Variants in SH3GL1 observed in about 807,000 individuals in gnomAD.
SH3GL1 encodes the protein endophilin-A2.
A neutral mutation model predicts 48.8 loss-of-function variants in SH3GL1; 21 were observed. The observed-to-expected ratio is 0.43, with a 90% CI of 0.30 to 0.62. The LOEUF is 0.62. Ranked by LOEUF, SH3GL1 falls within the 20% of genes least tolerant of loss-of-function variation. The pLI, the probability that SH3GL1 is intolerant of heterozygous loss-of-function variation, is 0.11. For missense variants in SH3GL1, 454 were observed against 503.0 expected (o/e 0.90, Z 0.93); for synonymous variants, 282 against 217.5 (o/e 1.30, Z -2.61).
chr19:4,374,619 C>T (rs1445498690), intron 1 of SH3GL1, among the ~76,000 whole-genome samples: 2 of 152,234 alleles, frequency 1.3e-5, no homozygotes, highest in African/African-American at 4.8e-5. Context: ...CAGCCTCCTC[C>T]CTGGCCTCCT....
intron 4 of SH3GL1, 120 bp downstream of exon 4, chr19:4,365,362 G>T: frequency 1.5e-6 from 2 of 1,353,862 alleles, no homozygotes; most frequent in Non-Finnish European, 2.1e-6. Context: ...CAGCTGGAAA[G>T]CTGTGGGGGC....
chr19:4,368,591 G>A (rs1750898632), intron 1 of SH3GL1, among the ~76,000 whole-genome samples: 1 of 152,188 alleles, frequency 6.6e-6, no homozygotes, highest in African/African-American at 2.4e-5. Context: ...CTTGGCTCTG[G>A]AAGCCCCCAC....
intron 1 of SH3GL1, among the ~76,000 whole-genome samples, chr19:4,378,791 C>A (rs531923616): frequency 6.6e-6 from 1 of 152,250 alleles, no homozygotes; most frequent in Admixed American, 6.5e-5. Context: ...CAACTGAGTC[C>A]CGAGGAATGA....
At chr19:4,369,958 G>A (rs532268964) in intron 1 of SH3GL1, among the ~76,000 whole-genome samples, 3 of 152,382 alleles carry the variant, frequency 2.0e-5, no homozygotes, top group Admixed American at 1.3e-4. Context: ...GCCGGGCCAC[G>A]TGCAGCGCCG....
intron 1 of SH3GL1, among the ~76,000 whole-genome samples, chr19:4,386,923 T>C (rs375194682): frequency 6.6e-6 from 1 of 152,134 alleles, no homozygotes; most frequent in Non-Finnish European, 1.5e-5. Flanking sequence ...CCGCTGCAAT[T>C]CCCCTTCTGT....
chr19:4,365,697 C>CA (rs964340209), intron 3 of SH3GL1, 72 bp from the exon 4 acceptor site: 6 of 1,592,952 alleles, frequency 3.8e-6, no homozygotes, highest in Non-Finnish European at 5.1e-6. Context: ...CTGCAGCCCC[C>CA]ACATCTCCTC....
At chr19:4,366,853 C>T in intron 2 of SH3GL1, 73 bp downstream of exon 2, 1 of 1,492,612 alleles carries the variant, frequency 6.7e-7, no homozygotes, top group Non-Finnish European at 9.3e-7. Context: ...AGGTTGGCCG[C>T]CTCCACTATG....
intron 1 of SH3GL1, among the ~76,000 whole-genome samples, chr19:4,371,555 T>C (rs576299604): frequency 6.6e-6 from 1 of 152,320 alleles, no homozygotes; most frequent in Admixed American, 6.5e-5. Context: ...AGGGTTTTGT[T>C]TTTTTTTCTC....
At chr19:4,377,545 C>T (rs1238283338) in intron 1 of SH3GL1, among the ~76,000 whole-genome samples, 2 of 152,204 alleles carry the variant, frequency 1.3e-5, no homozygotes, top group African/African-American at 2.4e-5. Flanking sequence ...GAAGTCATCC[C>T]GGGTGGCACG....
At position 4,365,450 on chromosome 19, in the gene SH3GL1, G is replaced by A. The variant is rs367897223; in HGVS notation, c.331+32C>T. 82 of 1,612,130 alleles carry A rather than the reference G, an allele frequency of 5.1e-5. No homozygotes were observed. In the African/African-American group the frequency reaches 8.0e-4, roughly 16 times the overall value. Reference sequence around the variant, plus strand: ...GTGTTGAGGTGTGGCCTCCAGGGACGGTGGGCGTGGCTTCCAGAGAGCACC... The same window carrying A: ...GTGTTGAGGTGTGGCCTCCAGGGACAGTGGGCGTGGCTTCCAGAGAGCACC... On this transcript the variant is annotated intron_variant, in intron 4 of 9. Coordinates refer to ENST00000269886, the MANE Select transcript of SH3GL1 (RefSeq NM_003025.4).
rs955368413 is a variant in SH3GL1, at chr19:4,367,613, G to A, written c.46-619C>T. 1.3e-5 allele frequency among the ~76,000 whole-genome samples: 2 copies of A among 152,142 alleles called. No homozygotes were observed. Among genetic ancestry groups the A allele is most frequent in the African/African-American group, 2.4e-5 (1 of 41,422 alleles). Reference sequence around the variant, plus strand: ...TCACAAGGCAGTCAACACAGGCCTGGCACACCTTGGTCCTCACGGCTCTCA... The same window carrying A: ...TCACAAGGCAGTCAACACAGGCCTGACACACCTTGGTCCTCACGGCTCTCA... On this transcript the variant is annotated intron_variant, in intron 1 of 9. Coordinates refer to ENST00000269886, the MANE Select transcript of SH3GL1 (RefSeq NM_003025.4). The surrounding 1 kb of genome is among the most constrained non-coding windows in gnomAD (Gnocchi z 4.2).
In SH3GL1 at chr19:4,371,354, C is replaced by T. The variant is rs1972896489; in HGVS notation, c.46-4360G>A. 2.0e-5 allele frequency among the ~76,000 whole-genome samples: 3 copies of T among 152,370 alleles called. No individual in the cohort carries two copies. The South Asian group carries it at 6.2e-4, about 32-fold the overall frequency. On this transcript the variant is annotated intron_variant, in intron 1 of 9. Coordinates refer to ENST00000269886, the MANE Select transcript of SH3GL1 (RefSeq NM_003025.4). ...GGGCAGCTGCCCTGTGCCCGGCAGG[C>T]ACAGCTGTGGTGGCCACTTGGCAGG...
chr19:4,395,396 A>G (rs1164736453), intron 1 of SH3GL1: 1 of 152,184 alleles, frequency 6.6e-6, no homozygotes, highest in Middle Eastern at 3.2e-3. Flanking sequence ...AGCAGCAGAC[A>G]TGGTTATTCT....
chr19:4,371,111 C>T (rs1972891506), intron 1 of SH3GL1, among the ~76,000 whole-genome samples: 1 of 152,244 alleles, frequency 6.6e-6, no homozygotes, highest in African/African-American at 2.4e-5. Context: ...GCATGGGACT[C>T]TTGTCCCCCT....
Position 4,361,750 on chromosome 19 carries a change from G to C in SH3GL1, c.957C>G (p.Pro319=), listed in dbSNP as rs560112509. 71 of 1,612,420 alleles carry C rather than the reference G, an allele frequency of 4.4e-5. No homozygotes were observed. The South Asian group carries it at 7.4e-4, about 17-fold the overall frequency. The part of the protein sequence containing the change: ...PSCKALYDFE[P]ENDGELGFHE... ...GGAAGCCCAGCTCCCCGTCGTTCTCGGGCTCGAAGTCGTACAGCGCCTTGC... is the reference window on the plus strand; with the variant it reads ...GGAAGCCCAGCTCCCCGTCGTTCTCCGGCTCGAAGTCGTACAGCGCCTTGC... Residue 319 remains proline, a synonymous_variant, in exon 10 of 10, where the codon CCC becomes CCG. Transcript: ENST00000269886.
intron 1 of SH3GL1, among the ~76,000 whole-genome samples, chr19:4,372,323 A>C (rs1972918625): frequency 6.6e-6 from 1 of 152,212 alleles, no homozygotes; most frequent in Non-Finnish European, 1.5e-5. Context: ...CAGAGGAGGA[A>C]GCTGAAGGGG....
At chr19:4,362,215 G>T in intron 9 of SH3GL1, 114 bp downstream of exon 9, 1 of 1,101,156 alleles carries the variant, frequency 9.1e-7, no homozygotes, top group South Asian at 1.3e-5. Context: ...ACTGCTGCAC[G>T]AGCCTGGCCC....
intron 5 of SH3GL1, 33 bp from the exon 6 acceptor site, chr19:4,363,911 AG>A (rs1242848527): frequency 6.2e-7 from 1 of 1,611,450 alleles, no homozygotes; most frequent in Admixed American, 1.7e-5. Flanking sequence ...TCACACCAGT[AG>A]CGGCCAGAGG....
intron 1 of SH3GL1, among the ~76,000 whole-genome samples, chr19:4,398,052 G>A (rs532074020): frequency 4.6e-5 from 7 of 152,056 alleles, no homozygotes; most frequent in East Asian, 3.9e-4. Context: ...TCCCTATATC[G>A]CCCAGGCTGG....
Sources: gnomAD v4.1 joint callset for allele counts (sites outside exome capture counted in the v4.1 genomes callset) on GRCh38, gnomAD v4.1.1 for gene constraint, Gnocchi (gnomAD v3.1) non-coding constraint, MANE v1.5 for transcripts, NCBI Gene and HGNC (gene_info 2026-07-23, HGNC 2026-07-21) for gene names.